The following SLC25A32 variants were observed in gnomAD, a reference collection of about 807,000 sequenced individuals.
SLC25A32 encodes the protein Glycine auxotroph B, complementation of hamster.
In SLC25A32, 32 loss-of-function variants were observed where a neutral mutation model predicts 39.0. The ratio of observed to expected loss-of-function variants is 0.82; its 90% CI spans 0.62 to 1.10. The LOEUF is 1.10. SLC25A32 is among the 50% of genes least tolerant of loss of function. The pLI is 0.00. For synonymous variants in SLC25A32, 166 were observed against 152.4 expected, an observed-to-expected ratio of 1.09 and a Z score of -0.66; for missense variants, 367 against 395.3, an observed-to-expected ratio of 0.93 and a Z score of 0.61.
chr8:103,403,057 G>A, intron 4 of SLC25A32, 107 bp downstream of exon 4: 1 of 663,008 alleles, frequency 1.5e-6, no homozygotes, highest in Admixed American at 3.2e-5. Flanking sequence ...TTTTGCCTAA[G>A]TGTGGCTTCT....
intron 3 of SLC25A32, 121 bp from the exon 4 acceptor site, chr8:103,403,445 C>CCAT: frequency 1.7e-6 from 1 of 588,038 alleles, no homozygotes; most frequent in Non-Finnish European, 2.8e-6. Context: ...ATGCACAGGA[C>CCAT]CATATCTGAA....
chr8:103,402,295 T>C (rs1030278037), intron 4 of SLC25A32: 66 of 324,694 alleles, frequency 2.0e-4, no homozygotes, highest in African/African-American at 1.4e-3. Context: ...TTAAACAGTA[T>C]ACATATAAAG....
At chr8:103,408,638 T>C (rs1429390714) in intron 1 of SLC25A32, among the ~76,000 whole-genome samples, 7 of 152,198 alleles carry the variant, frequency 4.6e-5, no homozygotes, top group African/African-American at 1.7e-4. Context: ...AAGTAGAAAG[T>C]AGAAAAGCAT....
intron 2 of SLC25A32, among the ~76,000 whole-genome samples, chr8:103,405,956 A>C (rs1816320604): frequency 6.6e-6 from 1 of 152,058 alleles, no homozygotes; most frequent in African/African-American, 2.4e-5. Context: ...GGTGTGAGCC[A>C]CTGCACCTGG....
In SLC25A32 at chr8:103,404,605, A is replaced by AC. The variant is rs201136707; in HGVS notation, c.391+170_391+171insG. On this transcript the variant is annotated intron_variant, in intron 3 of 6. Coordinates refer to ENST00000297578, the MANE Select transcript of SLC25A32 (RefSeq NM_030780.5). ...AGCGAAACTCCGCCTCAAAAAAAAA[A>AC]ACCAAAAACCGAAAAACAAACAAAC... 0.039 allele frequency among the ~76,000 whole-genome samples: 5,851 copies of AC among 151,962 alleles called. 239 individuals are homozygous for AC. Among genetic ancestry groups the AC allele is most frequent in the East Asian group, 0.19 (962 of 5,156 alleles).
rs985085272 is a variant in SLC25A32 at position 103,406,899 on chromosome 8, C to T, written c.305+735G>A. 3.3e-5 allele frequency among the ~76,000 whole-genome samples: 5 copies of T among 152,216 alleles called. No individual in the cohort carries two copies. In the East Asian group the frequency reaches 5.8e-4, roughly 18 times the overall value. On this transcript the variant is annotated intron_variant, in intron 2 of 6. Coordinates refer to ENST00000297578, the MANE Select transcript of SLC25A32 (RefSeq NM_030780.5). Reference sequence around the variant, plus strand: ...ATAAAATTTTCTATTTGGGACACTCCGGAACTAATCTCTGATAAACGGAAA... The same window carrying T: ...ATAAAATTTTCTATTTGGGACACTCTGGAACTAATCTCTGATAAACGGAAA...
intron 1 of SLC25A32, among the ~76,000 whole-genome samples, chr8:103,409,845 G>A (rs943265509): frequency 2.6e-5 from 4 of 152,282 alleles, no homozygotes; most frequent in Admixed American, 6.5e-5. Flanking sequence ...TCCCTAATTC[G>A]CTACATGGTC....
At chr8:103,401,399 C>T (rs1816215153) in intron 6 of SLC25A32, 117 bp downstream of exon 6, 1 of 855,110 alleles carries the variant, frequency 1.2e-6, no homozygotes. Context: ...CAGGGACCAC[C>T]AATCATGTTT....
chr8:103,411,258 T>C (rs3134287), intron 1 of SLC25A32, among the ~76,000 whole-genome samples: 76,665 of 151,976 alleles, frequency 0.5, 20,086 homozygotes, highest in African/African-American at 0.66. Context: ...TACGTTACTC[T>C]TTATCCTCCT....
At chr8:103,403,040 A>G (rs1217816675) in intron 4 of SLC25A32, 124 bp downstream of exon 4, 2 of 573,746 alleles carry the variant, frequency 3.5e-6, no homozygotes, top group Non-Finnish European at 5.8e-6. Flanking sequence ...GTTTTCATTA[A>G]ATTGTTTTTT....
chr8:103,403,905 T>G (rs1586112084), intron 3 of SLC25A32, among the ~76,000 whole-genome samples: 4 of 152,240 alleles, frequency 2.6e-5, no homozygotes, highest in African/African-American at 9.6e-5. Flanking sequence ...AAAATTCATC[T>G]GGTTAAGTTT....
rs769022455 is a variant in SLC25A32, at chr8:103,403,207, A to C, written c.509T>G (p.Leu170Arg). Residue 170 changes from leucine (L) to arginine (R), a missense_variant, in exon 4 of 7, where the codon CTT becomes CGT. Coordinates refer to ENST00000297578, the MANE Select transcript of SLC25A32 (RefSeq NM_030780.5). ...HRQYKGMFDTLVKIYKYEGVR... is the reference protein window; with the variant it reads ...HRQYKGMFDTRVKIYKYEGVR... Reference sequence around the variant, plus strand: ...ACCTTCATACTTATATATTTTCACAAGTGTATCAAACATTCCTTTATATTG... The same window carrying C: ...ACCTTCATACTTATATATTTTCACACGTGTATCAAACATTCCTTTATATTG... The C allele has an allele frequency of 6.2e-7, 1 of 1,611,548 alleles. No homozygotes were observed. The highest frequency in any genetic ancestry group is 1.3e-5 in the African/African-American group (1 of 74,850).
intron 1 of SLC25A32, among the ~76,000 whole-genome samples, chr8:103,411,601 T>C (rs1337046705): frequency 6.6e-6 from 1 of 152,212 alleles, no homozygotes; most frequent in African/African-American, 2.4e-5. Flanking sequence ...TAACACCACA[T>C]TTTCTTGAAT....
chr8:103,413,062 C>T (rs1482882728), intron 1 of SLC25A32, among the ~76,000 whole-genome samples: 4 of 152,184 alleles, frequency 2.6e-5, no homozygotes, highest in Non-Finnish European at 5.9e-5. Context: ...ATTTAGGCCT[C>T]CAATCCAAAC....
At position 103,407,719 on chromosome 8, in the gene SLC25A32, T is replaced by C; in HGVS notation, c.220A>G (p.Lys74Glu). The C allele has an allele frequency of 6.2e-7, 1 of 1,613,398 alleles. No individual in the cohort carries two copies. The highest frequency in any genetic ancestry group is 8.5e-7 in the Non-Finnish European group (1 of 1,179,572). ...TAAAGTCCCCGTAGTCCATCAAGTT[T>C]CCAAATGGTAGTCAAGCAATGTAAA... ...GILHCLTTIW[K>E]LDGLRGLYQG... The change falls in exon 2 of 7, where the codon AAA (lysine) becomes GAA (glutamate). Residue 74 changes from lysine (K) to glutamate (E), a missense_variant. By Grantham distance (56) the Lys-to-Glu change is moderately conservative (BLOSUM62 1). Coordinates refer to ENST00000297578, the MANE Select transcript of SLC25A32 (RefSeq NM_030780.5).
chr8:103,400,550 T>C lies in SLC25A32; in HGVS notation c.813-4A>G. The C allele has an allele frequency of 6.2e-7, 1 of 1,613,188 alleles. No homozygotes were observed. The highest frequency in any genetic ancestry group is 8.5e-7 in the Non-Finnish European group (1 of 1,179,692). On this transcript the variant is annotated splice_region_variant and splice_polypyrimidine_tract_variant and intron_variant, in intron 6 of 6. Transcript: ENST00000297578. ...AAATCCACCGACGCCTTCTTTCCTTTAGAGGGAAAAATAGATAATGCTTAA... is the reference window on the plus strand; with the variant it reads ...AAATCCACCGACGCCTTCTTTCCTTCAGAGGGAAAAATAGATAATGCTTAA...
At chr8:103,403,593 G>GA (rs1489000285) in intron 3 of SLC25A32, among the ~76,000 whole-genome samples, 1 of 152,104 alleles carries the variant, frequency 6.6e-6, no homozygotes, top group Non-Finnish European at 1.5e-5. Context: ...CTTTCTCTTT[G>GA]AAGTGTAAGG....
intron 2 of SLC25A32, among the ~76,000 whole-genome samples, chr8:103,406,120 TA>T (rs1816327245): frequency 6.6e-6 from 1 of 151,630 alleles, no homozygotes; most frequent in South Asian, 2.1e-4. Context: ...TATATACATA[TA>T]TACATACATT....
At chr8:103,409,306 A>C (rs769310521) in intron 1 of SLC25A32, among the ~76,000 whole-genome samples, 2 of 152,166 alleles carry the variant, frequency 1.3e-5, no homozygotes, top group Non-Finnish European at 2.9e-5. Context: ...TCCACTCAAG[A>C]TTATTTGTGA....
Sources: gnomAD v4.1 joint callset for allele counts (sites outside exome capture counted in the v4.1 genomes callset) on GRCh38, gnomAD v4.1.1 for gene constraint, MANE v1.5 for transcripts, NCBI Gene and HGNC (gene_info 2026-07-23, HGNC 2026-07-21) for gene names.